Variants in LIPG observed in about 807,000 individuals in gnomAD.
LIPG encodes endothelial lipase.
A neutral mutation model predicts 51.8 loss-of-function variants in LIPG; 34 were observed. The ratio of observed to expected loss-of-function variants is 0.66; its 90% CI spans 0.50 to 0.87. LIPG has a LOEUF of 0.87. Ranked by LOEUF, LIPG falls within the 40% of genes least tolerant of loss-of-function variation. LIPG has a pLI of 0.00. For missense variants in LIPG, 580 were observed against 652.7 expected (o/e 0.89, Z 1.21); for synonymous variants, 246 against 246.1 (o/e 1.00, Z 0.00).
In LIPG at chr18:49,582,498, C is replaced by T. The variant is rs1277557337; in HGVS notation, c.1157+16C>T. ...CACTGGAAATGTAAGTCATCCGTTTCCCTTGCTGGGTTCGGGACAGAGAAC... is the reference window on the plus strand; with the variant it reads ...CACTGGAAATGTAAGTCATCCGTTTTCCTTGCTGGGTTCGGGACAGAGAAC... On this transcript the variant is annotated intron_variant, in intron 7 of 9. Transcript: ENST00000261292. The T allele has an allele frequency of 6.2e-7, 1 of 1,614,170 alleles. No homozygotes were observed. Among genetic ancestry groups the T allele is most frequent in the East Asian group, 2.2e-5 (1 of 44,872 alleles).
chr18:49,575,994 A>C (rs2084712133), intron 5 of LIPG, among the ~76,000 whole-genome samples: 1 of 151,792 alleles, frequency 6.6e-6, no homozygotes, highest in African/African-American at 2.4e-5. Context: ...ACGTGCCACC[A>C]TGCCTGGCTA....
At chr18:49,578,024 A>ACCC (rs1246920255) in intron 5 of LIPG, among the ~76,000 whole-genome samples, 4 of 55,678 alleles carry the variant, frequency 7.2e-5, no homozygotes, top group African/African-American at 2.9e-4. Flanking sequence ...CGGGGGGCTG[A>ACCC]CCCCCCCACC....
intron 5 of LIPG, among the ~76,000 whole-genome samples, chr18:49,580,668 A>AT (rs1491358522): frequency 2.0e-5 from 3 of 151,738 alleles, no homozygotes; most frequent in African/African-American, 7.3e-5. Flanking sequence ...GAAAAAAAAA[A>AT]GAGGTAGCAA....
At position 49,595,307 on chromosome 18, in the gene LIPG, G is replaced by A. The variant is rs1177865530; in HGVS notation, c.*4785G>A. Reference sequence around the variant, plus strand: ...AGAAACTAGGTGCTTAAACAGGCAGGAGGTAATCTGGGAAAAGAGCAGTTA... The same window carrying A: ...AGAAACTAGGTGCTTAAACAGGCAGAAGGTAATCTGGGAAAAGAGCAGTTA... On this transcript the variant is annotated 3_prime_UTR_variant, in exon 10 of 10. Coordinates refer to ENST00000261292, the MANE Select transcript of LIPG (RefSeq NM_006033.4). The A allele has an allele frequency of 1.3e-5, 2 of 152,160 alleles. No individual in the cohort carries two copies. The highest frequency in any genetic ancestry group is 2.9e-5 in the Non-Finnish European group (2 of 68,034). The allele number at this position is 152,160 out of a possible 1,614,324, so 9.4% of individuals were successfully genotyped here.
At position 49,598,570 on chromosome 18, in the gene LIPG, CCTTCTCCT is replaced by C. The variant is rs1232267905; in HGVS notation, c.*8057_*8064del. ...CCCTGCTTCTTTCTCCTTCTCCTCTCCTTCTCCTCTTCTCCTTCTTCTTCTCACAGCTT... is the reference window on the plus strand; with the variant it reads ...CCCTGCTTCTTTCTCCTTCTCCTCTCCTTCTCCTTCTTCTTCTCACAGCTT... On this transcript the variant is annotated 3_prime_UTR_variant, in exon 10 of 10. Coordinates refer to ENST00000261292, the MANE Select transcript of LIPG (RefSeq NM_006033.4). The C allele has an allele frequency of 1.3e-5, 2 of 152,568 alleles. No individual in the cohort carries two copies. The highest frequency in any genetic ancestry group is 1.3e-4 in the Admixed American group (2 of 15,272). The allele number at this position is 152,568 out of a possible 1,614,324, so 9.5% of individuals were successfully genotyped here.
chr18:49,561,500 C>T (rs2084549025), upstream of LIPG: 2 of 416,454 alleles, frequency 4.8e-6, no homozygotes, highest in East Asian at 7.1e-5. Flanking sequence ...AGCTCACAGC[C>T]CCTTAGCTCC....
Position 49,598,206 on chromosome 18 carries a change from T to A in LIPG, c.*7684T>A, listed in dbSNP as rs975060176. On this transcript the variant is annotated 3_prime_UTR_variant, in exon 10 of 10. Coordinates refer to ENST00000261292, the MANE Select transcript of LIPG (RefSeq NM_006033.4). ...GTCTCTCTCTCTCTCTTTTTTAATT[T>A]TTTTTGGAGACACGGTATCACTGTG... is the stretch of plus-strand genomic sequence containing the variant. The A allele has an allele frequency of 6.6e-6, 1 of 152,222 alleles. No individual in the cohort carries two copies. Among genetic ancestry groups the A allele is most frequent in the East Asian group, 1.9e-4 (1 of 5,194 alleles). The allele number at this position is 152,222 out of a possible 1,614,324, so 9.4% of individuals were successfully genotyped here.
Position 49,583,706 on chromosome 18 carries a change from A to AC in LIPG, c.1312dup (p.Arg438ProfsTer31). Reference sequence around the variant, plus strand: ...AGGAGTTTCGCAGCTACCTGTCTCAACCCCGCAACCCCGGACGGGAGCTGA... The same window carrying AC: ...AGGAGTTTCGCAGCTACCTGTCTCAACCCCCGCAACCCCGGACGGGAGCTGA... On this transcript the variant is annotated frameshift_variant, in exon 8 of 10. Transcript: ENST00000261292. LOFTEE classifies it high-confidence loss of function. 6.2e-7 allele frequency: 1 copy of AC among 1,614,006 alleles called. No homozygotes were observed. The highest frequency in any genetic ancestry group is 8.5e-7 in the Non-Finnish European group (1 of 1,180,010).
At chr18:49,588,618 G>T (rs772062124) in intron 9 of LIPG, among the ~76,000 whole-genome samples, 3 of 151,980 alleles carry the variant, frequency 2.0e-5, no homozygotes, top group Non-Finnish European at 4.4e-5. Flanking sequence ...TCCCCTTTTT[G>T]GGAAACAGAA....
intron 8 of LIPG, among the ~76,000 whole-genome samples, chr18:49,586,517 G>T (rs1277649495): frequency 6.6e-6 from 1 of 152,180 alleles, no homozygotes; most frequent in Non-Finnish European, 1.5e-5. Flanking sequence ...GAAGGAAGCA[G>T]GTGGCAGAGG....
chr18:49,567,543 C>T lies in LIPG; in HGVS notation c.381C>T (p.Ala127=). Residue 127 remains alanine, a synonymous_variant, in exon 3 of 10, where the codon GCC becomes GCT. Transcript: ENST00000261292. ...NVVVVDWLPL[A]HQLYTDAVNN... is the part of the protein sequence containing the mutation. ...TTGTGGTTGACTGGCTCCCCCTGGCCCACCAGCTTTACACGGATGCGGTCA... is the reference window on the plus strand; with the variant it reads ...TTGTGGTTGACTGGCTCCCCCTGGCTCACCAGCTTTACACGGATGCGGTCA... The T allele has an allele frequency of 6.2e-7, 1 of 1,614,134 alleles. No individual in the cohort carries two copies. The highest frequency in any genetic ancestry group is 8.5e-7 in the Non-Finnish European group (1 of 1,180,030).
chr18:49,597,739 A>G lies in LIPG; in HGVS notation c.*7217A>G, dbSNP rs1372949685. 6.6e-6 allele frequency: 1 copy of G among 152,216 alleles called. No homozygotes were observed. Among genetic ancestry groups the G allele is most frequent in the African/African-American group, 2.4e-5 (1 of 41,452 alleles). 9.4% of individuals were successfully genotyped at this position (152,216 alleles called of 1,614,324 possible). A position where few individuals can be genotyped will look rare whatever the true frequency, so the allele number is the denominator to read the frequency against. On this transcript the variant is annotated 3_prime_UTR_variant, in exon 10 of 10. Transcript: ENST00000261292. ...CTCAGCCCAGACGAGTCTGCACGCT[A>G]TGTGGTTTAATACCTTCACCAGAGG...
At chr18:49,574,765 A>G (rs948584260) in intron 4 of LIPG, among the ~76,000 whole-genome samples, 1 of 152,154 alleles carries the variant, frequency 6.6e-6, no homozygotes, top group Non-Finnish European at 1.5e-5. Flanking sequence ...AAATAGAGGA[A>G]TTCTGGAGGC....
intron 7 of LIPG, among the ~76,000 whole-genome samples, chr18:49,583,293 T>A (rs1363504991): frequency 6.6e-6 from 1 of 152,146 alleles, no homozygotes; most frequent in African/African-American, 2.4e-5. Context: ...GGAAGTAGCA[T>A]AAGTGGGGTG....
intron 8 of LIPG, among the ~76,000 whole-genome samples, chr18:49,584,487 G>C (rs1368694285): frequency 6.6e-6 from 1 of 152,234 alleles, no homozygotes; most frequent in East Asian, 1.9e-4. Flanking sequence ...CAAGAAGGGA[G>C]AGTTTCCTTA....
upstream of LIPG, chr18:49,561,592 G>A: frequency 1.0e-6 from 1 of 964,098 alleles, no homozygotes; most frequent in Non-Finnish European, 1.3e-6. Context: ...GGAGGACAAA[G>A]GGGATGACCA....
chr18:49,572,826 A>ATG (rs1297060497), intron 4 of LIPG, among the ~76,000 whole-genome samples: 1 of 151,910 alleles, frequency 6.6e-6, no homozygotes, highest in Non-Finnish European at 1.5e-5. Flanking sequence ...ACATGTGTGC[A>ATG]TGTGTGTGTG....
chr18:49,580,760 G>A (rs2084810591), intron 5 of LIPG, among the ~76,000 whole-genome samples: 1 of 152,214 alleles, frequency 6.6e-6, no homozygotes, highest in South Asian at 2.1e-4. Context: ...TGGCTGTATA[G>A]CCCTATTAGG....
At chr18:49,586,695 T>A (rs762891012) in intron 8 of LIPG, 51 bp from the exon 9 acceptor site, 4 of 1,328,040 alleles carry the variant, frequency 3.0e-6, no homozygotes, top group Non-Finnish European at 4.4e-6. Context: ...AAAGCACAGC[T>A]GGATTCCCCC....
Sources: allele counts gnomAD v4.1 joint callset (sites outside exome capture counted in the v4.1 genomes callset), GRCh38; gene constraint gnomAD v4.1.1; transcripts MANE v1.5; gene names NCBI Gene and HGNC (gene_info 2026-07-23, HGNC 2026-07-21).